VPS16: variants seen among roughly 807,000 people sequenced by gnomAD.
The protein encoded by VPS16 is VPS16 core subunit of CORVET and HOPS complexes, also known as vacuolar protein sorting-associated protein 16 homolog.
Under a neutral mutation model 116.0 loss-of-function variants are expected in VPS16, and 82 were observed. The ratio of observed to expected loss-of-function variants is 0.71; its 90% CI spans 0.59 to 0.85. VPS16 has a LOEUF of 0.85. VPS16 is among the 40% of genes least tolerant of loss of function. The probability of loss-of-function intolerance (pLI) is 0.00; values close to 1 mark genes in which losing one functional copy is unlikely to be tolerated. For synonymous variants in VPS16, 406 were observed against 420.7 expected, an observed-to-expected ratio of 0.96 and a Z score of 0.43; for missense variants, 928 against 1,090.6, an observed-to-expected ratio of 0.85 and a Z score of 2.10.
At chr20:2,859,997 G>C (rs935205453) in intron 2 of VPS16, 57 bp from the exon 3 acceptor site, 10 of 1,605,610 alleles carry the variant, frequency 6.2e-6, no homozygotes, top group Middle Eastern at 3.3e-4. Flanking sequence ...TGTGAGGCCT[G>C]CTTCACATGG....
At chr20:2,862,004 G>C (rs759624275) in intron 10 of VPS16, 50 bp from the exon 11 acceptor site, 1 of 1,609,586 alleles carries the variant, frequency 6.2e-7, no homozygotes, top group South Asian at 1.1e-5. Flanking sequence ...TTGAGGCAGG[G>C]CTGAGGGTTT....
rs991064333 is a variant in VPS16 at position 2,843,569 on chromosome 20, G to A, written c.53+2742G>A. Among the ~76,000 whole-genome samples the A allele has an allele frequency of 2.0e-4, 31 of 152,314 alleles. No individual in the cohort carries two copies. In the South Asian group the frequency reaches 6.2e-3, roughly 31 times the overall value. On this transcript the variant is annotated intron_variant, in intron 1 of 23. Coordinates refer to ENST00000380445, the MANE Select transcript of VPS16 (RefSeq NM_022575.4). Reference sequence around the variant, plus strand: ...GAAGGAATTTCAGCTGACCAAGGTAGCCATGTCATTTAGTATTTACACACC... The same window carrying A: ...GAAGGAATTTCAGCTGACCAAGGTAACCATGTCATTTAGTATTTACACACC...
rs768279792 is a variant in VPS16 at position 2,860,552 on chromosome 20, A to C, written c.473A>C (p.Asn158Thr). ...GCCCACCGCTTCACCCTCAGTGCCAATGTGGGTGACCTCAAACTCCGCCGG... is the reference window on the plus strand; with the variant it reads ...GCCCACCGCTTCACCCTCAGTGCCACTGTGGGTGACCTCAAACTCCGCCGG... ...TGAHRFTLSANVGDLKLRRMP... is the reference protein window; with the variant it reads ...TGAHRFTLSATVGDLKLRRMP... The change falls in exon 5 of 24, where the codon AAT (asparagine) becomes ACT (threonine). Residue 158 changes from asparagine (N) to threonine (T), a missense_variant. Asn to Thr is a moderately conservative substitution (Grantham distance 65). Coordinates refer to ENST00000380445, the MANE Select transcript of VPS16 (RefSeq NM_022575.4). The surrounding 1 kb of genome is among the most constrained non-coding windows in gnomAD (Gnocchi z 6.1). 1 of 1,613,796 alleles carries C rather than the reference A, an allele frequency of 6.2e-7. No individual in the cohort carries two copies. Among genetic ancestry groups the C allele is most frequent in the South Asian group, 1.1e-5 (1 of 91,068 alleles).
intron 1 of VPS16, among the ~76,000 whole-genome samples, chr20:2,847,663 G>A (rs1313284078): frequency 2.0e-5 from 3 of 151,962 alleles, no homozygotes; most frequent in African/African-American, 7.3e-5. Flanking sequence ...ATTTTTAGTA[G>A]AGACGAGGTT....
intron 1 of VPS16, among the ~76,000 whole-genome samples, chr20:2,842,026 A>G (rs2146634292): frequency 6.6e-6 from 1 of 152,276 alleles, no homozygotes; most frequent in East Asian, 1.9e-4. Context: ...AAGTACTGGG[A>G]TTACAGGCGT....
chr20:2,853,479 A>G (rs561858583), intron 1 of VPS16, among the ~76,000 whole-genome samples: 10 of 152,196 alleles, frequency 6.6e-5, no homozygotes, highest in African/African-American at 2.4e-4. Context: ...GCTGAGATTG[A>G]AGCAATTCAG....
chr20:2,864,770 T>A lies in VPS16; in HGVS notation c.1926+116T>A. On this transcript the variant is annotated intron_variant, in intron 19 of 23. Transcript: ENST00000380445. This position sits in a 1 kb window ranked among gnomAD's most constrained non-coding sequence, Gnocchi z 5.2. ...GGTGCACACTCCATCTGGTCCTCAC[T>A]GTGAGGGAGACTCTGACGTGAGGCC... 8.2e-7 allele frequency: 1 copy of A among 1,226,934 alleles called. No individual in the cohort carries two copies. Among genetic ancestry groups the A allele is most frequent in the Non-Finnish European group, 1.2e-6 (1 of 855,926 alleles). 76.0% of individuals were successfully genotyped at this position (1,226,934 alleles called of 1,614,324 possible). A position where few individuals can be genotyped will look rare whatever the true frequency, so the allele number is the denominator to read the frequency against.
Position 2,860,542 on chromosome 20 carries a change from C to T in VPS16, c.463C>T (p.Leu155Phe), listed in dbSNP as rs1286353139. The change falls in exon 5 of 24, where the codon CTC becomes TTC. Residue 155 changes from leucine to phenylalanine, a missense_variant. Leu to Phe is a conservative substitution (Grantham distance 22, BLOSUM62 0). Transcript: ENST00000380445. This position sits in a 1 kb window ranked among gnomAD's most constrained non-coding sequence, Gnocchi z 6.1. ...AILTGAHRFT[L>F]SANVGDLKLR... ...CCTCACAGGGGCCCACCGCTTCACC[C>T]TCAGTGCCAATGTGGGTGACCTCAA... 1.2e-5 allele frequency: 19 copies of T among 1,613,860 alleles called. No individual in the cohort carries two copies. Among genetic ancestry groups the T allele is most frequent in the Non-Finnish European group, 1.4e-5 (17 of 1,180,026 alleles).
chr20:2,858,917 G>T (rs1372312267), intron 1 of VPS16, among the ~76,000 whole-genome samples: 2 of 152,152 alleles, frequency 1.3e-5, no homozygotes. Flanking sequence ...TTCAGGCACT[G>T]CTAACTCAGT....
At chr20:2,841,836 C>A (rs573563213) in intron 1 of VPS16, among the ~76,000 whole-genome samples, 1 of 152,056 alleles carries the variant, frequency 6.6e-6, no homozygotes, top group Non-Finnish European at 1.5e-5. Flanking sequence ...TCACTGCAAC[C>A]TCCGCCTCCC....
In VPS16 at chr20:2,863,523, G is replaced by GATTAC; in HGVS notation, c.1476+126_1476+127insTTACA. 1.0e-6 allele frequency: 1 copy of GATTAC among 956,044 alleles called. No homozygotes were observed. The highest frequency in any genetic ancestry group is 1.6e-6 in the Non-Finnish European group (1 of 636,208). The allele number at this position is 956,044 out of a possible 1,614,324, so 59.2% of individuals were successfully genotyped here. A position where few individuals can be genotyped will look rare whatever the true frequency, so the allele number is the denominator to read the frequency against. On this transcript the variant is annotated intron_variant, in intron 15 of 23. Coordinates refer to ENST00000380445, the MANE Select transcript of VPS16 (RefSeq NM_022575.4). This position sits in a 1 kb window ranked among gnomAD's most constrained non-coding sequence, Gnocchi z 4.4. The stretch of plus-strand genomic sequence containing the variant: ...CATGCCTGTAATCCCAACACTTTGG[G>GATTAC]AGGCTGAGGCGGGCGAATCACCTGA...
At position 2,865,703 on chromosome 20, in the gene VPS16, T is replaced by G. The variant is rs1411172307; in HGVS notation, c.2271+208T>G. Reference sequence around the variant, plus strand: ...GGATGGGTCCAAGTTTGCCTGCAGATGTTACGGGGAGAGAGAATGAGCTGC... The same window carrying G: ...GGATGGGTCCAAGTTTGCCTGCAGAGGTTACGGGGAGAGAGAATGAGCTGC... On this transcript the variant is annotated intron_variant, in intron 22 of 23. Coordinates refer to ENST00000380445, the MANE Select transcript of VPS16 (RefSeq NM_022575.4). The surrounding 1 kb of genome is among the most constrained non-coding windows in gnomAD (Gnocchi z 5.2). Among the ~76,000 whole-genome samples, 1 of 152,158 alleles carries G rather than the reference T, an allele frequency of 6.6e-6. No homozygotes were observed. The highest frequency in any genetic ancestry group is 1.5e-5 in the Non-Finnish European group (1 of 68,020).
At chr20:2,847,402 C>A (rs567027006) in intron 1 of VPS16, among the ~76,000 whole-genome samples, 1 of 152,250 alleles carries the variant, frequency 6.6e-6, no homozygotes, top group Non-Finnish European at 1.5e-5. Flanking sequence ...CACCCACCCC[C>A]TCCCTGGATC....
chr20:2,856,659 G>C (rs1348606415), intron 1 of VPS16, among the ~76,000 whole-genome samples: 1 of 152,180 alleles, frequency 6.6e-6, no homozygotes. Context: ...TATTAACACA[G>C]AAGTAAAATA....
In VPS16 at chr20:2,863,313, C is replaced by A. The variant is rs759803070; in HGVS notation, c.1391C>A (p.Pro464His). ...AGGCTCGTGTTGCGGAGACTTTACC[C>A]CCTGGCCATCCAGATATGCGAGTAC... ...LDRLVLRRLY[P>H]LAIQICEYLR... Residue 464 changes from proline to histidine, a missense_variant, in exon 15 of 24, where the codon CCC (proline) becomes CAC (histidine). Physicochemically the swap from Pro to His is moderately conservative, Grantham distance 77. Coordinates refer to ENST00000380445, the MANE Select transcript of VPS16 (RefSeq NM_022575.4). The surrounding 1 kb of genome is among the most constrained non-coding windows in gnomAD (Gnocchi z 4.4). The A allele has an allele frequency of 3.7e-6, 6 of 1,614,198 alleles. No individual in the cohort carries two copies. The highest frequency in any genetic ancestry group is 3.4e-6 in the Non-Finnish European group (4 of 1,180,032).
At chr20:2,858,121 G>T (rs1599992973) in intron 1 of VPS16, among the ~76,000 whole-genome samples, 2 of 145,702 alleles carry the variant, frequency 1.4e-5, no homozygotes, top group East Asian at 2.1e-4. Context: ...TTGAGACAGG[G>T]TCTCACTTTG....
chr20:2,842,741 T>TACATATAGATGTATCTATATATAGATAG (rs1568620762), intron 1 of VPS16, among the ~76,000 whole-genome samples: 17 of 22,382 alleles, frequency 7.6e-4, no homozygotes, highest in Admixed American at 1.0e-3. Flanking sequence ...TATCTATAGA[T>TACATATAGATGTATCTATATATAGATAG]ACATATAGAT....
rs762847441 is a variant in VPS16, at chr20:2,860,256, G to A, written c.258G>A (p.Val86=). ...CCCTGCAGTGGAAGAGTGGACCCGTGGTGTCCCTGGGCTGGTCAGCTGAGG... is the reference window on the plus strand; with the variant it reads ...CCCTGCAGTGGAAGAGTGGACCCGTAGTGTCCCTGGGCTGGTCAGCTGAGG... ...LASLLWKSGP[V]VSLGWSAEEE... is the part of the protein sequence containing the mutation. Residue 86 remains valine (V), a synonymous_variant, in exon 4 of 24, where the codon GTG becomes GTA. Coordinates refer to ENST00000380445, the MANE Select transcript of VPS16 (RefSeq NM_022575.4). This position sits in a 1 kb window ranked among gnomAD's most constrained non-coding sequence, Gnocchi z 6.1. The A allele has an allele frequency of 1.2e-6, 2 of 1,613,982 alleles. No individual in the cohort carries two copies. The highest frequency in any genetic ancestry group is 2.7e-5 in the African/African-American group (2 of 74,898).
chr20:2,845,789 A>G (rs939506057), intron 1 of VPS16, among the ~76,000 whole-genome samples: 1 of 152,050 alleles, frequency 6.6e-6, no homozygotes, highest in South Asian at 2.1e-4. Context: ...CCCCCAGCCC[A>G]TGGCAACCAC....
Sources: allele counts gnomAD v4.1 joint callset (sites outside exome capture counted in the v4.1 genomes callset), GRCh38; gene constraint gnomAD v4.1.1; non-coding constraint Gnocchi (gnomAD v3.1); transcripts MANE v1.5; gene names NCBI Gene and HGNC (gene_info 2026-07-23, HGNC 2026-07-21).